Variants in SP140 observed in about 807,000 individuals in gnomAD.
SP140 encodes the protein SP140 nuclear body protein.
Under a neutral mutation model 125.0 loss-of-function variants are expected in SP140, and 81 were observed. The observed-to-expected ratio is 0.65, with a 90% confidence interval of 0.54 to 0.78. SP140 has a LOEUF of 0.78. Ranked by LOEUF, SP140 falls within the 30% of genes least tolerant of loss-of-function variation. The pLI, the probability that SP140 is intolerant of heterozygous loss-of-function variation, is 0.00. For synonymous variants in SP140, 312 were observed against 354.0 expected (o/e 0.88, Z 1.33); for missense variants, 858 against 1,037.0 (o/e 0.83, Z 2.37).
rs115835275 is a variant in SP140 at position 230,310,283 on chromosome 2, C to T, written c.2174+244C>T. ...GGGCAGTGTTGGGGACCTTTGCCTA[C>T]ATACCGGCATTGTCCTTTCCTTGAA... On this transcript the variant is annotated intron_variant, in intron 23 of 26. Transcript: ENST00000392045. The T allele has an allele frequency of 5.5e-3, 2,929 of 533,978 alleles. 78 individuals carry two copies. Among genetic ancestry groups the T allele is most frequent in the African/African-American group, 0.051 (2,673 of 52,770 alleles). The allele number at this position is 533,978 out of a possible 1,614,324, so 33.1% of individuals were successfully genotyped here. A position where few individuals can be genotyped will look rare whatever the true frequency, so the allele number is the denominator to read the frequency against.
In SP140 at chr2:230,297,433, T is replaced by A; in HGVS notation, c.2029T>A (p.Ser677Thr). 6.2e-7 allele frequency: 1 copy of A among 1,613,962 alleles called. No homozygotes were observed. The highest frequency in any genetic ancestry group is 1.1e-5 in the South Asian group (1 of 91,066). Residue 677 changes from serine to threonine, a missense_variant, in exon 22 of 27, where the codon TCT (serine) becomes ACT (threonine). Around this residue, in one of 4 missense-constraint regions of SP140, gnomAD observed 791 missense variants for 869.5 expected, o/e 0.91. Coordinates refer to ENST00000392045, the MANE Select transcript of SP140 (RefSeq NM_007237.5). ...GTTTTTTCAACAGAGAATACTGAAG[T>A]CTCAAAACAATAGCTCAGTTGACCC... is the stretch of plus-strand genomic sequence containing the variant. ...RYRKKKRILK[S>T]QNNSSVDPCM...
At chr2:230,297,489 C>T (rs760269650) in intron 22 of SP140, 27 bp downstream of exon 22, 2 of 1,611,212 alleles carry the variant, frequency 1.2e-6, no homozygotes, top group Non-Finnish European at 1.7e-6. Context: ...AACTACGACC[C>T]CCAGAATATT....
chr2:230,192,258 C>T, the SP140 span, among the ~76,000 whole-genome samples: 1 of 151,360 alleles, frequency 6.6e-6, no homozygotes, highest in Non-Finnish European at 1.5e-5. Context: ...CATTCCTATT[C>T]AACATAGTAT....
At position 230,240,929 on chromosome 2, in the gene SP140, A is replaced by T. The variant is rs1193429483; in HGVS notation, c.407-475A>T. Among the ~76,000 whole-genome samples the T allele has an allele frequency of 2.0e-5, 3 of 152,210 alleles. No individual in the cohort carries two copies. In the South Asian group the frequency reaches 6.2e-4, roughly 31 times the overall value. ...AATGCTCATCAACGGAGGGTAGATA[A>T]ACTATGACTAATTTATAGAGTATAA... is the stretch of plus-strand genomic sequence containing the variant. On this transcript the variant is annotated intron_variant, in intron 3 of 26. Transcript: ENST00000392045.
intron 22 of SP140, among the ~76,000 whole-genome samples, chr2:230,302,954 A>T (rs1246507842): frequency 2.0e-5 from 3 of 152,350 alleles, no homozygotes; most frequent in African/African-American, 7.2e-5. Flanking sequence ...TACATCAAAA[A>T]GTCTGAAAGA....
Position 230,297,438 on chromosome 2 carries a change from A to G in SP140, c.2034A>G (p.Gln678=), listed in dbSNP as rs2057848402. 6.2e-7 allele frequency: 1 copy of G among 1,613,972 alleles called. No individual in the cohort carries two copies. Among genetic ancestry groups the G allele is most frequent in the African/African-American group, 1.3e-5 (1 of 75,064 alleles). Residue 678 remains glutamine, a synonymous_variant, in exon 22 of 27, where the codon CAA becomes CAG. Transcript: ENST00000392045. ...TTCAACAGAGAATACTGAAGTCTCA[A>G]AACAATAGCTCAGTTGACCCTTGTG... The part of the protein sequence containing the change: ...YRKKKRILKS[Q]NNSSVDPCMR...
At chr2:230,275,299 C>A (rs1200405672) in intron 15 of SP140, among the ~76,000 whole-genome samples, 1 of 150,454 alleles carries the variant, frequency 6.6e-6, no homozygotes, top group East Asian at 1.9e-4. Flanking sequence ...TTTGTGACAA[C>A]CCTGTGTCAA....
intron 18 of SP140, among the ~76,000 whole-genome samples, chr2:230,289,584 C>T (rs1308180859): frequency 2.0e-5 from 3 of 152,194 alleles, no homozygotes; most frequent in Admixed American, 6.5e-5. Flanking sequence ...CAGCAATTCT[C>T]CTGACTTAGC....
chr2:230,186,673 G>A, the SP140 span, among the ~76,000 whole-genome samples: 1 of 152,008 alleles, frequency 6.6e-6, no homozygotes, highest in Non-Finnish European at 1.5e-5. Context: ...TCTCCTTTCT[G>A]AGTCTCCATA....
At position 230,249,085 on chromosome 2, in the gene SP140, C is replaced by T. The variant is rs1449714438; in HGVS notation, c.976+117C>T. On this transcript the variant is annotated intron_variant, in intron 9 of 26. Coordinates refer to ENST00000392045, the MANE Select transcript of SP140 (RefSeq NM_007237.5). The stretch of plus-strand genomic sequence containing the variant: ...TCCCTTCTTCACATTCGCATACATA[C>T]AGATGGAATTATGTCAATTTTCTGT... 4 of 704,004 alleles carry T rather than the reference C, an allele frequency of 5.7e-6. No individual in the cohort carries two copies. In the African/African-American group the frequency reaches 7.3e-5, roughly 13 times the overall value. 43.6% of individuals were successfully genotyped at this position (704,004 alleles called of 1,614,324 possible). A position where few individuals can be genotyped will look rare whatever the true frequency, so the allele number is the denominator to read the frequency against.
downstream of SP140, among the ~76,000 whole-genome samples, chr2:230,315,005 A>G (rs903985159): frequency 6.6e-6 from 1 of 152,254 alleles, no homozygotes; most frequent in African/African-American, 2.4e-5. Context: ...TGACAGCTGG[A>G]AGGCCTGGCC....
At chr2:230,235,040 T>C (rs2047768162) in intron 1 of SP140, 1 of 152,248 alleles carries the variant, frequency 6.6e-6, no homozygotes, top group Non-Finnish European at 1.5e-5. Flanking sequence ...CTTGCAAACT[T>C]GTGGGCTTCA....
Position 230,243,728 on chromosome 2 carries a change from C to T in SP140, c.491-3C>T. ...ATCTAAGGGATTTCATTCCTTTCGG[C>T]AGAGAACAGCAATGCCTGTCATGAA... On this transcript the variant is annotated splice_polypyrimidine_tract_variant and splice_region_variant and intron_variant, in intron 4 of 26. Transcript: ENST00000392045. The T allele has an allele frequency of 6.2e-7, 1 of 1,608,992 alleles. No homozygotes were observed. Among genetic ancestry groups the T allele is most frequent in the Non-Finnish European group, 8.5e-7 (1 of 1,176,068 alleles).
intron 17 of SP140, among the ~76,000 whole-genome samples, chr2:230,286,640 T>C (rs571646568): frequency 1.1e-3 from 164 of 152,304 alleles, no homozygotes; most frequent in Non-Finnish European, 1.8e-3. Context: ...TTGAAAGAAA[T>C]AGAGCTTTAC....
At chr2:230,296,276 T>G (rs867151755) in intron 21 of SP140, among the ~76,000 whole-genome samples, 5 of 152,154 alleles carry the variant, frequency 3.3e-5, no homozygotes, top group East Asian at 1.9e-4. Context: ...ATTGTCAACA[T>G]GGATGAATTA....
At chr2:230,288,455 A>ATCTATCTTTCTTTCTT (rs1553599903) in intron 18 of SP140, among the ~76,000 whole-genome samples, 1 of 123,522 alleles carries the variant, frequency 8.1e-6, no homozygotes, top group Non-Finnish European at 1.7e-5. Context: ...TAGGCCAACT[A>ATCTATCTTTCTTTCTT]TCTTTCTTTC....
At chr2:230,275,583 A>G (rs999084086) in intron 15 of SP140, among the ~76,000 whole-genome samples, 3 of 152,054 alleles carry the variant, frequency 2.0e-5, no homozygotes, top group African/African-American at 4.8e-5. Flanking sequence ...CCTCTCTTTG[A>G]CTTTCCTCTT....
intron 18 of SP140, chr2:230,288,195 G>T (rs941796783): frequency 2.3e-6 from 1 of 431,024 alleles, no homozygotes; most frequent in Non-Finnish European, 4.2e-6. Flanking sequence ...CCACTAAAGT[G>T]CTACTTTCAC....
At chr2:230,273,659 C>T (rs539990899) in intron 15 of SP140, among the ~76,000 whole-genome samples, 3 of 152,272 alleles carry the variant, frequency 2.0e-5, no homozygotes. Context: ...ATGCTTATCT[C>T]AGCACTGTTC....
Sources: gnomAD v4.1 joint callset for allele counts (sites outside exome capture counted in the v4.1 genomes callset) on GRCh38, gnomAD v4.1.1 for gene constraint, gnomAD v4.1.1 regional missense constraint, MANE v1.5 for transcripts, NCBI Gene and HGNC (gene_info 2026-07-23, HGNC 2026-07-21) for gene names.